The following GTPBP4 variants were observed in gnomAD, a reference collection of about 807,000 sequenced individuals.
GTPBP4 encodes the protein GTP binding protein 4.
A neutral mutation model predicts 81.7 loss-of-function variants in GTPBP4; 15 were observed. The ratio of observed to expected loss-of-function variants is 0.18; its 90% CI spans 0.12 to 0.28. GTPBP4 has a LOEUF of 0.28. Ranked by LOEUF, GTPBP4 falls within the 10% of genes least tolerant of loss-of-function variation. The pLI is 1.00. For missense variants in GTPBP4, 847 were observed against 793.8 expected (o/e 1.07, Z -0.81); for synonymous variants, 272 against 274.6 (o/e 0.99, Z 0.09).
At chr10:1,006,049 A>AGT in intron 9 of GTPBP4, 142 bp downstream of exon 9, 1 of 574,102 alleles carries the variant, frequency 1.7e-6, no homozygotes, top group Non-Finnish European at 3.1e-6. Flanking sequence ...GGCGTGCGAG[A>AGT]GTGGGGCGTG....
Position 1,000,729 on chromosome 10 carries a change from T to C in GTPBP4, c.707T>C (p.Ile236Thr). 6.3e-7 allele frequency: 1 copy of C among 1,582,698 alleles called. No individual in the cohort carries two copies. The highest frequency in any genetic ancestry group is 8.6e-7 in the Non-Finnish European group (1 of 1,164,648). Residue 236 changes from isoleucine (I) to threonine (T), a missense_variant, in exon 7 of 17, where the codon ATC (isoleucine) becomes ACC (threonine). Ile to Thr is a moderately conservative substitution (Grantham distance 89). Coordinates refer to ENST00000360803, the MANE Select transcript of GTPBP4 (RefSeq NM_012341.3). ...LDHPLEDRNT[I>T]EMQAITALAH... ...CACCCTCTGGAGGATAGGAACACCATCGAGATGCAGGCCATCACTGCCCTG... is the reference window on the plus strand; with the variant it reads ...CACCCTCTGGAGGATAGGAACACCACCGAGATGCAGGCCATCACTGCCCTG...
At position 1,014,277 on chromosome 10, in the gene GTPBP4, C is replaced by A; in HGVS notation, c.1573C>A (p.Arg525Ser). ...VQRTVLEKEM[R>S]SLGVDMDDKD... ...GAGGACAGTTTTGGAGAAGGAGATG[C>A]GTAGTCTTGGTGTTGACATGGACGA... The change falls in exon 15 of 17, where the codon CGT becomes AGT. Residue 525 changes from arginine (R) to serine (S), a missense_variant. This residue lies in a region of GTPBP4 where 600 missense variants were observed against 557.1 expected (regional missense o/e 1.08). Coordinates refer to ENST00000360803, the MANE Select transcript of GTPBP4 (RefSeq NM_012341.3). 1 of 1,607,576 alleles carries A rather than the reference C, an allele frequency of 6.2e-7. No individual in the cohort carries two copies. The highest frequency in any genetic ancestry group is 8.5e-7 in the Non-Finnish European group (1 of 1,174,538).
At chr10:1,005,247 A>G (rs1831706403) in intron 8 of GTPBP4, among the ~76,000 whole-genome samples, 1 of 151,988 alleles carries the variant, frequency 6.6e-6, no homozygotes, top group Non-Finnish European at 1.5e-5. Flanking sequence ...CCAGGTTCAC[A>G]CCATTCTCCT....
chr10:1,014,724 AG>A (rs1831944565), intron 15 of GTPBP4, among the ~76,000 whole-genome samples: 1 of 152,150 alleles, frequency 6.6e-6, no homozygotes, highest in Non-Finnish European at 1.5e-5. Flanking sequence ...TACAGCAAAA[AG>A]AAATGAGAGC....
chr10:991,803 C>G (rs918970430), intron 1 of GTPBP4, among the ~76,000 whole-genome samples: 6 of 142,794 alleles, frequency 4.2e-5, no homozygotes, highest in Non-Finnish European at 7.5e-5. Context: ...TCACGCCATT[C>G]TCCTGCCTCA....
At chr10:1,003,673 A>G (rs1248894412) in intron 8 of GTPBP4, among the ~76,000 whole-genome samples, 1 of 152,206 alleles carries the variant, frequency 6.6e-6, no homozygotes, top group Non-Finnish European at 1.5e-5. Flanking sequence ...AAATGTTGGC[A>G]ATAACTGGGT....
chr10:1,003,961 C>T (rs1831681933), intron 8 of GTPBP4, among the ~76,000 whole-genome samples: 1 of 152,080 alleles, frequency 6.6e-6, no homozygotes, highest in South Asian at 2.1e-4. Context: ...TGCAGGTTTA[C>T]TCTCTGTGGT....
intron 2 of GTPBP4, among the ~76,000 whole-genome samples, chr10:993,408 G>C (rs1293185986): frequency 6.6e-6 from 1 of 151,868 alleles, no homozygotes; most frequent in South Asian, 2.1e-4. Flanking sequence ...GCATAACCAC[G>C]CCTAATTTTT....
intron 2 of GTPBP4, among the ~76,000 whole-genome samples, chr10:993,652 GGTT>G (rs1185215051): frequency 6.6e-6 from 1 of 152,220 alleles, no homozygotes; most frequent in Non-Finnish European, 1.5e-5. Flanking sequence ...GGTTAATTGA[GGTT>G]GTGAAGGGCG....
chr10:1,016,627 T>A (rs573858876), intron 16 of GTPBP4, among the ~76,000 whole-genome samples: 6 of 152,350 alleles, frequency 3.9e-5, no homozygotes, highest in Non-Finnish European at 7.3e-5. Context: ...CCTTAGCTTG[T>A]GTAAGAGGGA....
At chr10:1,007,367 A>C in intron 10 of GTPBP4, 1 of 389,344 alleles carries the variant, frequency 2.6e-6, no homozygotes, top group African/African-American at 2.0e-5. Flanking sequence ...CCTTCCAGAA[A>C]TGTTTCTGAT....
chr10:1,014,806 ACC>A, intron 15 of GTPBP4, among the ~76,000 whole-genome samples: 1 of 151,448 alleles, frequency 6.6e-6, no homozygotes, highest in East Asian at 1.9e-4. Context: ...GGATTCCCTG[ACC>A]CTGGGTCTGG....
intron 2 of GTPBP4, 60 bp downstream of exon 2, chr10:992,719 T>C: frequency 9.8e-7 from 1 of 1,016,384 alleles, no homozygotes; most frequent in South Asian, 1.5e-5. Context: ...GAACCAGTGT[T>C]TAACCAGTTT....
chr10:1,007,553 A>G (rs985187825), intron 10 of GTPBP4, among the ~76,000 whole-genome samples: 5 of 152,088 alleles, frequency 3.3e-5, no homozygotes, highest in Admixed American at 3.3e-4. Flanking sequence ...TGGGCAACAT[A>G]GTGGGACCCT....
intron 1 of GTPBP4, chr10:988,812 C>T (rs1038676898): frequency 7.3e-5 from 27 of 371,550 alleles, no homozygotes; most frequent in African/African-American, 1.1e-4. Context: ...GAGTTGGGTT[C>T]CCTGGAGGGG....
chr10:1,003,360 A>C (rs1831672590), intron 8 of GTPBP4, among the ~76,000 whole-genome samples: 1 of 152,182 alleles, frequency 6.6e-6, no homozygotes, highest in Non-Finnish European at 1.5e-5. Flanking sequence ...CCTTCAAAAA[A>C]ATTATTATTT....
chr10:994,060 A>G (rs1564465586), intron 2 of GTPBP4, among the ~76,000 whole-genome samples: 3 of 152,230 alleles, frequency 2.0e-5, no homozygotes, highest in East Asian at 1.9e-4. Flanking sequence ...CACCTGTCCA[A>G]TAATGGCTTA....
In GTPBP4 at chr10:1,004,388, G is replaced by A. The variant is rs558080944; in HGVS notation, c.913-1430G>A. Among the ~76,000 whole-genome samples the A allele has an allele frequency of 1.5e-3, 227 of 152,248 alleles. 1 individual carries two copies. The highest frequency in any genetic ancestry group is 5.3e-3 in the African/African-American group (221 of 41,552). Reference sequence around the variant, plus strand: ...CCAGCTCCAGGGAGCAGGTGCTGGAGCTGTTTGCGTGGTGGGGCAGGTGCC... The same window carrying A: ...CCAGCTCCAGGGAGCAGGTGCTGGAACTGTTTGCGTGGTGGGGCAGGTGCC... On this transcript the variant is annotated intron_variant, in intron 8 of 16. Transcript: ENST00000360803.
intron 4 of GTPBP4, chr10:996,886 T>A: frequency 3.3e-6 from 1 of 306,704 alleles, no homozygotes; most frequent in Non-Finnish European, 6.1e-6. Context: ...ACTGGTTCCC[T>A]AATGTCATCT....
Sources: gnomAD v4.1 joint callset for allele counts (sites outside exome capture counted in the v4.1 genomes callset) on GRCh38, gnomAD v4.1.1 for gene constraint, gnomAD v4.1.1 regional missense constraint, MANE v1.5 for transcripts, NCBI Gene and HGNC (gene_info 2026-07-23, HGNC 2026-07-21) for gene names.